The following NRF1 variants were observed in gnomAD, a reference collection of about 807,000 sequenced individuals.
NRF1 encodes the protein alpha palindromic-binding protein.
In NRF1, 5 loss-of-function variants were observed where a neutral mutation model predicts 58.5. The ratio of observed to expected loss-of-function variants is 0.09; its 90% CI spans 0.04 to 0.18. The LOEUF is 0.18. Ranked by LOEUF, NRF1 falls within the 10% of genes least tolerant of loss-of-function variation. The probability of loss-of-function intolerance (pLI) is 1.00; values close to 1 mark genes in which losing one functional copy is unlikely to be tolerated. For synonymous variants in NRF1, 224 were observed against 246.7 expected (o/e 0.91, Z 0.86); for missense variants, 288 against 657.7 (o/e 0.44, Z 6.15).
chr7:129,661,396 A>C (rs184996980), intron 2 of NRF1, among the ~76,000 whole-genome samples: 1 of 151,246 alleles, frequency 6.6e-6, no homozygotes, highest in East Asian at 1.9e-4. Context: ...TCAGGCTGCA[A>C]ATTTTCCAAA....
At chr7:129,683,308 T>TGAGAGAGAGAGA (rs1249992360) in intron 4 of NRF1, among the ~76,000 whole-genome samples, 27 of 143,084 alleles carry the variant, frequency 1.9e-4, no homozygotes, top group African/African-American at 7.1e-4. Flanking sequence ...TGTGTGTGTG[T>TGAGAGAGAGAGA]GTGTGTGTGT....
intron 10 of NRF1, among the ~76,000 whole-genome samples, chr7:129,744,972 A>C (rs1468743032): frequency 6.6e-6 from 1 of 151,822 alleles, no homozygotes; most frequent in Non-Finnish European, 1.5e-5. Context: ...CCTGGTGCCT[A>C]TTTGACATTT....
rs1003790147 is a variant in NRF1 at position 129,665,596 on chromosome 7, A to G, written c.224-5833A>G. 3.9e-5 allele frequency among the ~76,000 whole-genome samples: 6 copies of G among 152,270 alleles called. No homozygotes were observed. In the South Asian group the frequency reaches 8.3e-4, roughly 21 times the overall value. On this transcript the variant is annotated intron_variant, in intron 2 of 10. Coordinates refer to ENST00000393232, the MANE Select transcript of NRF1 (RefSeq NM_005011.5). ...AGTTGGTTGACCTCTTTTAGTATCA[A>G]TCACCAGTATGTTGTTTGTTGTTGT...
At chr7:129,719,922 AGTG>A (rs996111425) in intron 9 of NRF1, among the ~76,000 whole-genome samples, 2 of 152,156 alleles carry the variant, frequency 1.3e-5, no homozygotes, top group Admixed American at 1.3e-4. Flanking sequence ...ATTCCAGTGA[AGTG>A]TGTGTGTCCT....
At position 129,675,226 on chromosome 7, in the gene NRF1, A is replaced by G. The variant is rs187294513; in HGVS notation, c.339-2406A>G. ...AGTCCCATTTTCAGGGTCCACTTTT[A>G]ATTCTGGTTCTTTCACTGTTTCTAC... On this transcript the variant is annotated intron_variant, in intron 3 of 10. Coordinates refer to ENST00000393232, the MANE Select transcript of NRF1 (RefSeq NM_005011.5). 5.3e-5 allele frequency among the ~76,000 whole-genome samples: 8 copies of G among 152,220 alleles called. No individual in the cohort carries two copies. In the East Asian group the frequency reaches 1.5e-3, roughly 29 times the overall value.
chr7:129,703,873 C>T (rs1802891260), intron 5 of NRF1, among the ~76,000 whole-genome samples: 1 of 152,120 alleles, frequency 6.6e-6, no homozygotes, highest in African/African-American at 2.4e-5. Context: ...TTCTGTTTCT[C>T]CTGCCTCACA....
intron 1 of NRF1, among the ~76,000 whole-genome samples, chr7:129,612,095 G>A (rs1251266297): frequency 4.0e-5 from 6 of 150,378 alleles, no homozygotes; most frequent in Non-Finnish European, 8.9e-5. Context: ...GAGCCCCAGG[G>A]TTCCGGCCTC....
intron 4 of NRF1, among the ~76,000 whole-genome samples, chr7:129,681,922 C>CAA (rs201830378): frequency 5.9e-5 from 7 of 117,648 alleles, no homozygotes; most frequent in South Asian, 2.7e-4. Flanking sequence ...CTCATCTCTA[C>CAA]AAAAAAAAAA....
intron 4 of NRF1, 50 bp downstream of exon 4, chr7:129,677,808 G>A (rs745332007): frequency 6.2e-7 from 1 of 1,605,132 alleles, no homozygotes; most frequent in Non-Finnish European, 8.5e-7. Flanking sequence ...TCTGTCGGCT[G>A]CTTCCATTCT....
intron 10 of NRF1, among the ~76,000 whole-genome samples, chr7:129,739,855 G>C (rs528209937): frequency 6.6e-6 from 1 of 152,128 alleles, no homozygotes; most frequent in Non-Finnish European, 1.5e-5. Flanking sequence ...GAAGCCTGAC[G>C]GGTCACAAAG....
In NRF1 at chr7:129,623,419, A is replaced by AT. The variant is rs1404563599; in HGVS notation, c.-7+11599dup. ...GCATTATCTCTAGGGAATTCAAAAG[A>AT]TTTTGTATAGATAAAATATAAATAT... On this transcript the variant is annotated intron_variant, in intron 1 of 10. Coordinates refer to ENST00000393232, the MANE Select transcript of NRF1 (RefSeq NM_005011.5). Among the ~76,000 whole-genome samples the AT allele has an allele frequency of 1.3e-4, 20 of 151,850 alleles. 1 individual carries two copies. The South Asian group carries it at 2.9e-3, about 22-fold the overall frequency.
rs201442001 is a variant in NRF1 at position 129,755,067 on chromosome 7, C to T, written c.1398C>T (p.Leu466=). The T allele has an allele frequency of 1.6e-5, 26 of 1,613,798 alleles. No individual in the cohort carries two copies. Among genetic ancestry groups the T allele is most frequent in the African/African-American group, 2.7e-5 (2 of 75,020 alleles). ...TGTACCAGACTGTGGTGACCAGCCT[C>T]GCCCAGGGCAACGGACCAGTGCAGG... ...VSMYQTVVTS[L]AQGNGPVQVA... is the part of the protein sequence containing the mutation. The change falls in exon 11 of 11, where the codon CTC becomes CTT. Residue 466 remains leucine, a synonymous_variant. Coordinates refer to ENST00000393232, the MANE Select transcript of NRF1 (RefSeq NM_005011.5). This position sits in a 1 kb window ranked among gnomAD's most constrained non-coding sequence, Gnocchi z 5.8.
Position 129,611,764 on chromosome 7 carries a change from G to C in NRF1, c.-67G>C, listed in dbSNP as rs1227231091. Reference sequence around the variant, plus strand: ...ATTGCCGCTGGTGGCAGGAGGCTGCGAGGAGCCGGCGCGGTCGCAGTCTCC... The same window carrying C: ...ATTGCCGCTGGTGGCAGGAGGCTGCCAGGAGCCGGCGCGGTCGCAGTCTCC... On this transcript the variant is annotated 5_prime_UTR_variant, in exon 1 of 11. Coordinates refer to ENST00000393232, the MANE Select transcript of NRF1 (RefSeq NM_005011.5). The C allele has an allele frequency of 3.3e-6, 1 of 300,746 alleles. No homozygotes were observed. The highest frequency in any genetic ancestry group is 2.2e-5 in the African/African-American group (1 of 46,048). The allele number at this position is 300,746 out of a possible 1,614,324, so 18.6% of individuals were successfully genotyped here.
intron 4 of NRF1, among the ~76,000 whole-genome samples, chr7:129,683,471 A>C (rs1802374658): frequency 6.6e-6 from 1 of 151,406 alleles, no homozygotes; most frequent in Non-Finnish European, 1.5e-5. Flanking sequence ...CTGGGATTAC[A>C]GGTGCGTGCC....
chr7:129,682,474 A>G (rs1802339528), intron 4 of NRF1, among the ~76,000 whole-genome samples: 1 of 151,648 alleles, frequency 6.6e-6, no homozygotes, highest in Admixed American at 6.6e-5. Flanking sequence ...AAAAAAAAAC[A>G]AAACAAAAAA....
At chr7:129,685,793 G>A (rs1802430831) in intron 4 of NRF1, among the ~76,000 whole-genome samples, 1 of 151,932 alleles carries the variant, frequency 6.6e-6, no homozygotes, top group East Asian at 1.9e-4. Flanking sequence ...ATTGAATTGG[G>A]CCTAGAAAAA....
At position 129,741,093 on chromosome 7, in the gene NRF1, T is replaced by C. The variant is rs552567193; in HGVS notation, c.1348+13728T>C. Among the ~76,000 whole-genome samples, 2 of 152,322 alleles carry C rather than the reference T, an allele frequency of 1.3e-5. No homozygotes were observed. Among genetic ancestry groups the C allele is most frequent in the African/African-American group, 2.4e-5 (1 of 41,568 alleles). The stretch of plus-strand genomic sequence containing the variant: ...TTTTTTTTGTTTTTCTGTACTTCAA[T>C]AGATGCAAATTCATTTACTCTTTGG... On this transcript the variant is annotated intron_variant, in intron 10 of 10. Transcript: ENST00000393232. The surrounding 1 kb of genome is among the most constrained non-coding windows in gnomAD (Gnocchi z 4.0).
At chr7:129,690,991 G>T (rs2151092944) in intron 5 of NRF1, among the ~76,000 whole-genome samples, 1 of 152,278 alleles carries the variant, frequency 6.6e-6, no homozygotes, top group South Asian at 2.1e-4. Context: ...CCGCAAGAAT[G>T]TAAAAGTCAG....
At chr7:129,628,034 CTTTTTTTTTTT>C (rs67262888) in intron 1 of NRF1, among the ~76,000 whole-genome samples, 2 of 72,056 alleles carry the variant, frequency 2.8e-5, no homozygotes, top group Non-Finnish European at 5.2e-5. Flanking sequence ...GCCAATGGTT[CTTTTTTTTTTT>C]TTTTTTTTTT....
Sources: allele counts gnomAD v4.1 joint callset (sites outside exome capture counted in the v4.1 genomes callset), GRCh38; gene constraint gnomAD v4.1.1; non-coding constraint Gnocchi (gnomAD v3.1); transcripts MANE v1.5; gene names NCBI Gene and HGNC (gene_info 2026-07-23, HGNC 2026-07-21).